Variants in RAB11FIP2 observed in about 807,000 individuals in gnomAD.
RAB11FIP2 encodes the protein RAB11 family interacting protein 2, also known as rab11 family-interacting protein 2.
RAB11FIP2 carries 16 observed loss-of-function variants against 40.9 expected under a neutral mutation model. That is an observed-to-expected ratio of 0.39 (90% CI 0.26 to 0.59). RAB11FIP2 has a LOEUF of 0.59. Among genes scored for constraint, RAB11FIP2 ranks in the 20% least tolerant of loss-of-function variants. RAB11FIP2 has a pLI of 0.53. For synonymous variants in RAB11FIP2, 228 were observed against 213.7 expected, an observed-to-expected ratio of 1.07 and a Z score of -0.58; for missense variants, 532 against 606.2, an observed-to-expected ratio of 0.88 and a Z score of 1.28.
At position 118,016,424 on chromosome 10, in the gene RAB11FIP2, C is replaced by A. The variant is rs181966350; in HGVS notation, c.1266-1314G>T. 8.4e-4 allele frequency among the ~76,000 whole-genome samples: 128 copies of A among 152,164 alleles called. 1 individual carries two copies. The highest frequency in any genetic ancestry group is 3.0e-3 in the African/African-American group (123 of 41,508). ...ACTATACCAGCAAAGCATCAAGAGC[C>A]CACAAAGGAGTGGCTTAAAAGACAA... On this transcript the variant is annotated intron_variant, in intron 3 of 4. Coordinates refer to ENST00000355624, the MANE Select transcript of RAB11FIP2 (RefSeq NM_014904.3).
intron 3 of RAB11FIP2, among the ~76,000 whole-genome samples, chr10:118,031,642 G>T (rs1006848544): frequency 6.6e-6 from 1 of 152,050 alleles, no homozygotes; most frequent in Non-Finnish European, 1.5e-5. Context: ...TTACAAGTCT[G>T]CATCTTAGAT....
intron 4 of RAB11FIP2, among the ~76,000 whole-genome samples, chr10:118,012,577 G>A (rs1846171827): frequency 6.6e-6 from 1 of 151,628 alleles, no homozygotes; most frequent in Admixed American, 6.6e-5. Context: ...ATAAAATAAT[G>A]ATTAAGTAAT....
rs538637077 is a variant in RAB11FIP2, at chr10:118,012,331, C to T, written c.1311+2734G>A. On this transcript the variant is annotated intron_variant, in intron 4 of 4. Transcript: ENST00000355624. ...CGTTTGTCCTTTTATGTGAAAATTT[C>T]ACCTCAAATTTTAGCATCAAGTTTC... is the stretch of plus-strand genomic sequence containing the variant. Among the ~76,000 whole-genome samples, 12 of 151,762 alleles carry T rather than the reference C, an allele frequency of 7.9e-5. No homozygotes were observed. The East Asian group carries it at 2.3e-3, about 29-fold the overall frequency.
chr10:118,026,245 T>C (rs1442454830), intron 3 of RAB11FIP2, among the ~76,000 whole-genome samples: 3 of 152,210 alleles, frequency 2.0e-5, no homozygotes, highest in Admixed American at 6.5e-5. Context: ...TTCCATAAAA[T>C]GACGTGACGA....
rs913355452 is a variant in RAB11FIP2 at position 118,005,356 on chromosome 10, C to G, written c.*3642G>C. On this transcript the variant is annotated 3_prime_UTR_variant, in exon 5 of 5. Coordinates refer to ENST00000355624, the MANE Select transcript of RAB11FIP2 (RefSeq NM_014904.3). ...CTTCTATACCTCTTATTAAATATAT[C>G]AGAAAATGCTTCATATGCAGATTAA... The G allele has an allele frequency of 7.2e-5, 11 of 152,592 alleles. No homozygotes were observed. Among genetic ancestry groups the G allele is most frequent in the African/African-American group, 2.7e-4 (11 of 41,436 alleles). 9.5% of individuals were successfully genotyped at this position (152,592 alleles called of 1,614,324 possible).
At chr10:118,033,337 T>C (rs1164462898) in intron 3 of RAB11FIP2, among the ~76,000 whole-genome samples, 1 of 152,136 alleles carries the variant, frequency 6.6e-6, no homozygotes, top group Non-Finnish European at 1.5e-5. Flanking sequence ...CCAGGAGCCC[T>C]TGATGATCAG....
At position 118,046,168 on chromosome 10, in the gene RAB11FIP2, TCCTGTTTCTCTG is replaced by T; in HGVS notation, c.-17_-6del. On this transcript the variant is annotated 5_prime_UTR_variant, in exon 1 of 5. Coordinates refer to ENST00000355624, the MANE Select transcript of RAB11FIP2 (RefSeq NM_014904.3). ...GGCTTGCTCGGACAGCATCATCCTG[TCCTGTTTCTCTG>T]CCCCCGAGTTCCCTAGCACAGGCAG... is the stretch of plus-strand genomic sequence containing the variant. 3.7e-6 allele frequency: 6 copies of T among 1,610,248 alleles called. No individual in the cohort carries two copies. Among genetic ancestry groups the T allele is most frequent in the Non-Finnish European group, 4.2e-6 (5 of 1,177,472 alleles).
At chr10:118,036,108 T>C (rs549165554) in intron 3 of RAB11FIP2, among the ~76,000 whole-genome samples, 63 of 152,166 alleles carry the variant, frequency 4.1e-4, no homozygotes, top group Non-Finnish European at 8.1e-4. Flanking sequence ...CATTTTAAAA[T>C]TTTGGGCATA....
chr10:118,040,825 T>C (rs1846549174), intron 1 of RAB11FIP2, among the ~76,000 whole-genome samples: 1 of 152,178 alleles, frequency 6.6e-6, no homozygotes, highest in Non-Finnish European at 1.5e-5. Flanking sequence ...AGATAATCTT[T>C]TCTTTTGTAA....
intron 4 of RAB11FIP2, 43 bp from the exon 5 acceptor site, chr10:118,009,268 T>C (rs1846129993): frequency 6.6e-7 from 1 of 1,507,092 alleles, no homozygotes; most frequent in African/African-American, 1.4e-5. Context: ...ATATAACATC[T>C]GGGACAAACA....
intron 3 of RAB11FIP2, chr10:118,018,168 A>G (rs1306581435): frequency 6.6e-6 from 1 of 152,268 alleles, no homozygotes; most frequent in East Asian, 1.9e-4. Context: ...ATATTCACAC[A>G]CTGACGTGTC....
chr10:118,012,128 A>G (rs1283017522), intron 4 of RAB11FIP2, among the ~76,000 whole-genome samples: 5 of 152,014 alleles, frequency 3.3e-5, no homozygotes, highest in Non-Finnish European at 7.4e-5. Flanking sequence ...ATAAATTAAT[A>G]GTTTAATCTT....
Position 118,005,635 on chromosome 10 carries a change from T to C in RAB11FIP2, c.*3363A>G, listed in dbSNP as rs565720267. The C allele has an allele frequency of 1.2e-4, 19 of 152,168 alleles. No individual in the cohort carries two copies. The South Asian group carries it at 3.9e-3, about 32-fold the overall frequency. The allele number at this position is 152,168 out of a possible 1,614,324, so 9.4% of individuals were successfully genotyped here. On this transcript the variant is annotated 3_prime_UTR_variant, in exon 5 of 5. Coordinates refer to ENST00000355624, the MANE Select transcript of RAB11FIP2 (RefSeq NM_014904.3). ...TACAAGACATATGAGTACATGAACA[T>C]CAAAAAAGTTTCAGCTTGATTTACA...
At chr10:118,044,495 A>T (rs1346439944) in intron 1 of RAB11FIP2, among the ~76,000 whole-genome samples, 2 of 152,158 alleles carry the variant, frequency 1.3e-5, no homozygotes, top group African/African-American at 4.8e-5. Flanking sequence ...AAATAATTTT[A>T]TTATTCAAAT....
chr10:118,006,800 T>C lies in RAB11FIP2; in HGVS notation c.*2198A>G, dbSNP rs1287617897. 2 of 152,110 alleles carry C rather than the reference T, an allele frequency of 1.3e-5. No individual in the cohort carries two copies. The highest frequency in any genetic ancestry group is 2.9e-5 in the Non-Finnish European group (2 of 67,924). 9.4% of individuals were successfully genotyped at this position (152,110 alleles called of 1,614,324 possible). ...TCAGATTTAAAGATAAAAATTTTGA[T>C]TGAGTTATAACCAAATCACTCATGT... On this transcript the variant is annotated 3_prime_UTR_variant, in exon 5 of 5. Coordinates refer to ENST00000355624, the MANE Select transcript of RAB11FIP2 (RefSeq NM_014904.3).
At chr10:118,039,979 GT>G (rs1248581719) in intron 2 of RAB11FIP2, 143 bp downstream of exon 2, 21 of 679,114 alleles carry the variant, frequency 3.1e-5, no homozygotes, top group Non-Finnish European at 5.1e-5. Context: ...TTGAGGTATA[GT>G]AGGTACTCAA....
Position 118,009,099 on chromosome 10 carries a change from A to G in RAB11FIP2, c.1438T>C (p.Tyr480His). 6.2e-7 allele frequency: 1 copy of G among 1,613,648 alleles called. No homozygotes were observed. The highest frequency in any genetic ancestry group is 8.5e-7 in the Non-Finnish European group (1 of 1,179,622). The change falls in exon 5 of 5, where the codon TAC (tyrosine) becomes CAC (histidine). Residue 480 changes from tyrosine (Y) to histidine (H), a missense_variant. Transcript: ENST00000355624. Reference protein sequence around the residue: ...KDTHIRELEDYIDNLLVRVME... With the variant: ...KDTHIRELEDHIDNLLVRVME... ...ACCCTTACAAGGAGGTTGTCGATGT[A>G]GTCCTCGAGTTCCCGGATGTGGGTG...
Position 118,041,257 on chromosome 10 carries a change from A to T in RAB11FIP2, c.354-692T>A, listed in dbSNP as rs537727787. On this transcript the variant is annotated intron_variant, in intron 1 of 4. Coordinates refer to ENST00000355624, the MANE Select transcript of RAB11FIP2 (RefSeq NM_014904.3). The stretch of plus-strand genomic sequence containing the variant: ...TCTTGTGAAGTTTTCAAAAGGAAAA[A>T]AAAAAACCTAAAATGCTTCTTGTTT... Among the ~76,000 whole-genome samples the T allele has an allele frequency of 1.6e-4, 24 of 152,162 alleles. 1 individual carries two copies. In the South Asian group the frequency reaches 5.0e-3, roughly 32 times the overall value.
chr10:118,040,944 T>C (rs948514555), intron 1 of RAB11FIP2, among the ~76,000 whole-genome samples: 2 of 152,066 alleles, frequency 1.3e-5, no homozygotes, highest in African/African-American at 4.8e-5. Context: ...TTAAAAGACA[T>C]TGAGGCAGAG....
Sources: allele counts gnomAD v4.1 joint callset (sites outside exome capture counted in the v4.1 genomes callset), GRCh38; gene constraint gnomAD v4.1.1; transcripts MANE v1.5; gene names NCBI Gene and HGNC (gene_info 2026-07-23, HGNC 2026-07-21).